XYLT1: variants seen among roughly 807,000 people sequenced by gnomAD.
XYLT1 encodes the protein xylosyltransferase 1, also known as beta-D-xylosyltransferase 1.
XYLT1 carries 36 observed loss-of-function variants against 91.3 expected under a neutral mutation model. That is an observed-to-expected ratio of 0.39 (90% CI 0.30 to 0.52). XYLT1 has a LOEUF of 0.52. Among genes scored for constraint, XYLT1 ranks in the 20% least tolerant of loss-of-function variants. The pLI is 0.68. For missense variants in XYLT1, 1,242 were observed against 1,284.5 expected (o/e 0.97, Z 0.51); for synonymous variants, 588 against 532.0 (o/e 1.11, Z -1.45).
At chr16:17,267,767 C>A (rs138685593) in intron 2 of XYLT1, among the ~76,000 whole-genome samples, 87 of 152,212 alleles carry the variant, frequency 5.7e-4, no homozygotes, top group African/African-American at 2.1e-3. Flanking sequence ...AAATCTGGAC[C>A]CTGGCCTTTG....
At chr16:17,291,382 G>C (rs574746444) in intron 2 of XYLT1, among the ~76,000 whole-genome samples, 1 of 152,302 alleles carries the variant, frequency 6.6e-6, no homozygotes, top group Admixed American at 6.5e-5. Flanking sequence ...GGCAGGCTGA[G>C]GTTATTTCCC....
chr16:17,334,665 T>C (rs1212531562), intron 2 of XYLT1, among the ~76,000 whole-genome samples: 6 of 152,096 alleles, frequency 3.9e-5, no homozygotes, highest in African/African-American at 1.4e-4. Flanking sequence ...GAAGTACACA[T>C]TTAAAAAAAG....
chr16:17,224,082 T>C (rs987099095), intron 3 of XYLT1, among the ~76,000 whole-genome samples: 3 of 152,200 alleles, frequency 2.0e-5, no homozygotes, highest in African/African-American at 7.2e-5. Flanking sequence ...ACCAGAACCT[T>C]TGAGCTTCAA....
rs557635478 is a variant in XYLT1 at position 17,410,685 on chromosome 16, C to T, written c.364-52635G>A. 8.3e-4 allele frequency among the ~76,000 whole-genome samples: 121 copies of T among 146,302 alleles called. 2 individuals are homozygous for T. The South Asian group carries it at 0.014, about 17-fold the overall frequency. ...TTTTTTGAGATGGAATCTCACTCTG[C>T]GGCCCAAGCTGGAGTGGTGTGATCT... On this transcript the variant is annotated intron_variant, in intron 1 of 11. Coordinates refer to ENST00000261381, the MANE Select transcript of XYLT1 (RefSeq NM_022166.4).
intron 3 of XYLT1, among the ~76,000 whole-genome samples, chr16:17,255,438 G>A (rs1048837973): frequency 1.3e-5 from 2 of 152,152 alleles, no homozygotes; most frequent in African/African-American, 4.8e-5. Context: ...AAATGCCTAA[G>A]ATCTGGCCCT....
intron 2 of XYLT1, among the ~76,000 whole-genome samples, chr16:17,325,701 A>G (rs974799856): frequency 1.2e-4 from 19 of 152,122 alleles, no homozygotes; most frequent in African/African-American, 4.1e-4. Context: ...TGAGTGGGGG[A>G]AAAAATTCCA....
chr16:17,297,959 T>C (rs1367599242), intron 2 of XYLT1, among the ~76,000 whole-genome samples: 3 of 150,704 alleles, frequency 2.0e-5, no homozygotes, highest in Admixed American at 6.6e-5. Context: ...AGGTGGAGCT[T>C]GCAGTGAGCC....
At chr16:17,116,177 C>A (rs950256837) in intron 11 of XYLT1, among the ~76,000 whole-genome samples, 3 of 152,014 alleles carry the variant, frequency 2.0e-5, no homozygotes, top group African/African-American at 7.2e-5. Flanking sequence ...AAAGACTTTC[C>A]CCTTAATAAA....
At chr16:17,331,918 G>A (rs2034903818) in intron 2 of XYLT1, among the ~76,000 whole-genome samples, 1 of 152,206 alleles carries the variant, frequency 6.6e-6, no homozygotes, top group Non-Finnish European at 1.5e-5. Flanking sequence ...TAGCCAGACA[G>A]CCTCCTTTGT....
intron 1 of XYLT1, among the ~76,000 whole-genome samples, chr16:17,379,751 TC>T (rs1567401388): frequency 3.2e-5 from 4 of 124,446 alleles, no homozygotes; most frequent in African/African-American, 1.3e-4. Context: ...TCTCTCTCTC[TC>T]TCTCTCTCTC....
At chr16:17,430,336 G>C (rs1282008588) in intron 1 of XYLT1, among the ~76,000 whole-genome samples, 1 of 152,132 alleles carries the variant, frequency 6.6e-6, no homozygotes, top group African/African-American at 2.4e-5. Flanking sequence ...CAGAATTTCA[G>C]ATTACGGGTG....
intron 1 of XYLT1, among the ~76,000 whole-genome samples, chr16:17,405,064 C>T (rs1414443044): frequency 6.7e-6 from 1 of 149,312 alleles, no homozygotes; most frequent in Non-Finnish European, 1.5e-5. Flanking sequence ...AATCAAACGG[C>T]CTCGCCACCC....
At chr16:17,237,505 C>T (rs1479691281) in intron 3 of XYLT1, among the ~76,000 whole-genome samples, 7 of 152,124 alleles carry the variant, frequency 4.6e-5, no homozygotes, top group African/African-American at 9.7e-5. Context: ...TTTTCAGAAC[C>T]TTTCTCATGA....
At chr16:17,297,999 C>A (rs565108113) in intron 2 of XYLT1, among the ~76,000 whole-genome samples, 3 of 149,980 alleles carry the variant, frequency 2.0e-5, no homozygotes, top group Non-Finnish European at 3.0e-5. Context: ...CCAGCCTGGG[C>A]GACGAGCGAG....
chr16:17,318,245 C>T (rs1309860601), intron 2 of XYLT1, among the ~76,000 whole-genome samples: 1 of 152,226 alleles, frequency 6.6e-6, no homozygotes, highest in African/African-American at 2.4e-5. Flanking sequence ...CCTGGGTTTA[C>T]TTGATCTCAC....
At chr16:17,398,579 TA>T (rs1483701077) in intron 1 of XYLT1, among the ~76,000 whole-genome samples, 1 of 152,178 alleles carries the variant, frequency 6.6e-6, no homozygotes, top group Non-Finnish European at 1.5e-5. Flanking sequence ...CTAAATGGCT[TA>T]AACAATCAAA....
intron 2 of XYLT1, among the ~76,000 whole-genome samples, chr16:17,343,367 G>A (rs1156919906): frequency 1.3e-5 from 2 of 152,206 alleles, no homozygotes; most frequent in Admixed American, 6.5e-5. Flanking sequence ...CATCAACAGC[G>A]ACTCAGGCAT....
chr16:17,223,983 A>T (rs970637827), intron 3 of XYLT1, among the ~76,000 whole-genome samples: 1 of 152,220 alleles, frequency 6.6e-6, no homozygotes, highest in Admixed American at 6.5e-5. Flanking sequence ...TAACTAATAT[A>T]GTGATTCTAT....
At chr16:17,356,367 G>A (rs1452126245) in intron 2 of XYLT1, among the ~76,000 whole-genome samples, 1 of 152,096 alleles carries the variant, frequency 6.6e-6, no homozygotes, top group East Asian at 1.9e-4. Flanking sequence ...AGAGGAAACC[G>A]AATCCTTTTC....
Sources: allele counts gnomAD v4.1 joint callset (sites outside exome capture counted in the v4.1 genomes callset), GRCh38; gene constraint gnomAD v4.1.1; transcripts MANE v1.5; gene names NCBI Gene and HGNC (gene_info 2026-07-23, HGNC 2026-07-21).